The following PTPRG variants were observed in gnomAD, a reference collection of about 807,000 sequenced individuals.
PTPRG encodes the protein protein tyrosine phosphatase receptor type G.
PTPRG carries 102 observed loss-of-function variants against 165.3 expected under a neutral mutation model. The observed-to-expected ratio is 0.62, with a 90% CI of 0.53 to 0.73. The LOEUF (loss-of-function observed/expected upper bound fraction) is 0.73, where lower values mean the gene tolerates loss of function less well. Among genes scored for constraint, PTPRG ranks in the 30% least tolerant of loss-of-function variants. The pLI, the probability that PTPRG is intolerant of heterozygous loss-of-function variation, is 0.00. For synonymous variants in PTPRG, 675 were observed against 669.5 expected, an observed-to-expected ratio of 1.01 and a Z score of -0.13; for missense variants, 1,866 against 1,861.4, an observed-to-expected ratio of 1.00 and a Z score of -0.05.
At chr3:61,794,040 G>A (rs2034972576) in intron 2 of PTPRG, among the ~76,000 whole-genome samples, 1 of 152,192 alleles carries the variant, frequency 6.6e-6, no homozygotes, top group African/African-American at 2.4e-5. Context: ...AGATTTTGGA[G>A]TATCTGCTTA....
chr3:62,199,972 C>T (rs6792720), intron 10 of PTPRG, among the ~76,000 whole-genome samples: 2,960 of 152,196 alleles, frequency 0.019, 94 homozygotes, highest in African/African-American at 0.067. Flanking sequence ...AGCTTGAGGA[C>T]GTTATGCTAA....
chr3:61,810,882 G>A (rs1439342495), intron 2 of PTPRG, among the ~76,000 whole-genome samples: 1 of 151,820 alleles, frequency 6.6e-6, no homozygotes, highest in African/African-American at 2.4e-5. Context: ...CCATCAAGGT[G>A]ACATCATATG....
intron 5 of PTPRG, among the ~76,000 whole-genome samples, chr3:62,119,031 A>G (rs1342016918): frequency 6.6e-6 from 1 of 152,250 alleles, no homozygotes; most frequent in Non-Finnish European, 1.5e-5. Context: ...GCACTAAGAT[A>G]GAGCTGGGAA....
intron 1 of PTPRG, among the ~76,000 whole-genome samples, chr3:61,578,881 A>G (rs1559510169): frequency 1.3e-5 from 2 of 152,222 alleles, no homozygotes; most frequent in South Asian, 4.1e-4. Flanking sequence ...GGCAGGGTGG[A>G]CACATGCCCT....
At chr3:61,863,419 A>T (rs2037326106) in intron 2 of PTPRG, among the ~76,000 whole-genome samples, 1 of 152,204 alleles carries the variant, frequency 6.6e-6, no homozygotes, top group Non-Finnish European at 1.5e-5. Flanking sequence ...TAGGGAAAAA[A>T]AACTAGTGGA....
chr3:62,168,300 C>A, intron 8 of PTPRG, 137 bp downstream of exon 8: 1 of 850,150 alleles, frequency 1.2e-6, no homozygotes, highest in Non-Finnish European at 1.8e-6. Context: ...GGGAGCCTGT[C>A]TGGCTGAAAA....
At chr3:62,204,912 GC>G (rs879883447) in intron 12 of PTPRG, among the ~76,000 whole-genome samples, 1 of 151,982 alleles carries the variant, frequency 6.6e-6, no homozygotes, top group Admixed American at 6.6e-5. Context: ...TGTTGTGAGG[GC>G]TTTTCTTAAT....
At chr3:61,906,339 C>T (rs2038651715) in intron 2 of PTPRG, among the ~76,000 whole-genome samples, 1 of 151,724 alleles carries the variant, frequency 6.6e-6, no homozygotes, top group South Asian at 2.1e-4. Flanking sequence ...ACCTTTAATC[C>T]CAGCTCCTCG....
chr3:61,905,832 C>T (rs889735112), intron 2 of PTPRG, among the ~76,000 whole-genome samples: 4 of 152,148 alleles, frequency 2.6e-5, no homozygotes, highest in Admixed American at 2.0e-4. Flanking sequence ...TTGTCTGTGT[C>T]CATTTAACTT....
chr3:61,793,289 C>A lies in PTPRG; in HGVS notation c.190+44307C>A, dbSNP rs139262145. ...ATATGTCACCTGGGCTTGTGGTGTA[C>A]CTAGCCAAAGTGGTGGTTTCAAGAC... On this transcript the variant is annotated intron_variant, in intron 2 of 29. Transcript: ENST00000474889. Among the ~76,000 whole-genome samples, 12 of 152,250 alleles carry A rather than the reference C, an allele frequency of 7.9e-5. No homozygotes were observed. The East Asian group carries it at 2.3e-3, about 29-fold the overall frequency.
At chr3:61,572,671 G>C (rs1356558202) in intron 1 of PTPRG, among the ~76,000 whole-genome samples, 1 of 152,150 alleles carries the variant, frequency 6.6e-6, no homozygotes, top group East Asian at 1.9e-4. Flanking sequence ...TGGAAGCCCC[G>C]GCCCTCATGA....
intron 26 of PTPRG, 25 bp from the exon 27 acceptor site, chr3:62,281,538 C>CTTTTTTGTTTTTTTTTTTTTTTTTT: frequency 3.2e-6 from 2 of 620,526 alleles, no homozygotes; most frequent in Non-Finnish European, 4.2e-6. Flanking sequence ...ACTGCAGAGG[C>CTTTTTTGTTTTTTTTTTTTTTTTTT]TTTTTTTTTT....
chr3:62,144,687 C>T (rs772337337), intron 6 of PTPRG, among the ~76,000 whole-genome samples: 6 of 152,170 alleles, frequency 3.9e-5, no homozygotes, highest in Non-Finnish European at 7.3e-5. Context: ...CTTCTAGAAA[C>T]AGGCACACTT....
At chr3:62,025,636 T>A (rs1278705997) in intron 4 of PTPRG, among the ~76,000 whole-genome samples, 1 of 152,182 alleles carries the variant, frequency 6.6e-6, no homozygotes, top group Non-Finnish European at 1.5e-5. Context: ...TTTTCAAATG[T>A]TTTTTCCCTC....
Position 62,203,802 on chromosome 3 carries a change from C to A in PTPRG, c.2007C>A (p.Asp669Glu). 1 of 1,613,862 alleles carries A rather than the reference C, an allele frequency of 6.2e-7. No individual in the cohort carries two copies. The highest frequency in any genetic ancestry group is 2.2e-5 in the East Asian group (1 of 44,866). Residue 669 changes from aspartate to glutamate, a missense_variant, in exon 12 of 30, where the codon GAC becomes GAA. This residue lies in a region of PTPRG where 1,452 missense variants were observed against 1,463.0 expected (regional missense o/e 0.99). Coordinates refer to ENST00000474889, the MANE Select transcript of PTPRG (RefSeq NM_002841.4). The surrounding 1 kb of genome is among the most constrained non-coding windows in gnomAD (Gnocchi z 6.4). ...ATGCCGGCCCAGGCCTGGACCCCGA[C>A]ATGGTCACCTCCACCCAAGTGCCCC... is the stretch of plus-strand genomic sequence containing the variant. ...RRDAGPGLDP[D>E]MVTSTQVPPT...
intron 5 of PTPRG, among the ~76,000 whole-genome samples, chr3:62,114,091 G>T (rs539626798): frequency 6.6e-6 from 1 of 152,168 alleles, no homozygotes; most frequent in Non-Finnish European, 1.5e-5. Context: ...CTGAGGTCAG[G>T]AGTTCGAGAC....
At chr3:62,177,365 A>G (rs1043509630) in intron 8 of PTPRG, among the ~76,000 whole-genome samples, 6 of 152,226 alleles carry the variant, frequency 3.9e-5, no homozygotes, top group Non-Finnish European at 8.8e-5. Context: ...TAAGACTTAT[A>G]GTACAGGATC....
chr3:61,911,839 G>C (rs2038810596), intron 2 of PTPRG, among the ~76,000 whole-genome samples: 1 of 152,140 alleles, frequency 6.6e-6, no homozygotes, highest in East Asian at 1.9e-4. Context: ...GTGTGTACCT[G>C]TTTATCTAGA....
chr3:61,758,195 G>A (rs2033697066), intron 2 of PTPRG, among the ~76,000 whole-genome samples: 1 of 149,122 alleles, frequency 6.7e-6, no homozygotes, highest in Non-Finnish European at 1.5e-5. Flanking sequence ...TTGTTGGCCA[G>A]GCCGATCTCA....
Sources: allele counts gnomAD v4.1 joint callset (sites outside exome capture counted in the v4.1 genomes callset), GRCh38; gene constraint gnomAD v4.1.1; regional missense constraint gnomAD v4.1.1; non-coding constraint Gnocchi (gnomAD v3.1); transcripts MANE v1.5; gene names NCBI Gene and HGNC (gene_info 2026-07-23, HGNC 2026-07-21).